RBL1: variants seen among roughly 807,000 people sequenced by gnomAD.
RBL1 encodes RB transcriptional corepressor like 1, also known as retinoblastoma-like protein 1.
In RBL1, 82 loss-of-function variants were observed where a neutral mutation model predicts 123.0. The observed-to-expected ratio is 0.67, with a 90% confidence interval of 0.56 to 0.80. RBL1 has a LOEUF of 0.80. Among genes scored for constraint, RBL1 ranks in the 30% least tolerant of loss-of-function variants. RBL1 has a pLI of 0.00. For missense variants in RBL1, 1,171 were observed against 1,299.6 expected, an observed-to-expected ratio of 0.90 and a Z score of 1.52; for synonymous variants, 405 against 441.3, an observed-to-expected ratio of 0.92 and a Z score of 1.03.
At position 37,035,103 on chromosome 20, in the gene RBL1, A is replaced by T. The variant is rs190344658; in HGVS notation, c.2170+139T>A. 2.8e-4 allele frequency: 240 copies of T among 862,190 alleles called. 1 individual carries two copies. The African/African-American group carries it at 3.7e-3, about 13-fold the overall frequency. 53.4% of individuals were successfully genotyped at this position (862,190 alleles called of 1,614,324 possible). On this transcript the variant is annotated intron_variant, in intron 15 of 21. Transcript: ENST00000373664. ...TGTGAATCTACAACTGCTCTAAAAA[A>T]TTCAAATCTATTTAAAAAAAAAAAG... is the stretch of plus-strand genomic sequence containing the variant.
At chr20:37,020,638 A>G in intron 18 of RBL1, 21 bp downstream of exon 18, 1 of 1,497,356 alleles carries the variant, frequency 6.7e-7, no homozygotes, top group South Asian at 1.2e-5. Flanking sequence ...TTTGGACAGT[A>G]GGAAAAATAA....
At chr20:37,037,874 A>G (rs2064646430) in intron 14 of RBL1, among the ~76,000 whole-genome samples, 2 of 151,590 alleles carry the variant, frequency 1.3e-5, no homozygotes, top group South Asian at 4.2e-4. Context: ...TTTACTAGGG[A>G]CCAGTTTTCA....
At position 37,035,377 on chromosome 20, in the gene RBL1, T is replaced by C. The variant is rs1428202329; in HGVS notation, c.2035A>G (p.Thr679Ala). The change falls in exon 15 of 22, where the codon ACA becomes GCA. Residue 679 changes from threonine to alanine, a missense_variant. By Grantham distance (58) the Thr-to-Ala change is moderately conservative. Transcript: ENST00000373664. ...MLMDKIITEG[T>A]KLKIAPSSSI... ...GAAGAAGGAGCGATTTTCAATTTTG[T>C]TCCTTCTGTTATGATCTTGTCCATA... 6.2e-7 allele frequency: 1 copy of C among 1,614,084 alleles called. No homozygotes were observed. Among genetic ancestry groups the C allele is most frequent in the Non-Finnish European group, 8.5e-7 (1 of 1,180,040 alleles).
intron 2 of RBL1, among the ~76,000 whole-genome samples, chr20:37,076,552 C>T (rs2065366919): frequency 6.6e-6 from 1 of 152,154 alleles, no homozygotes. Flanking sequence ...GAGTGGATAG[C>T]ACAAGATTTC....
chr20:37,066,942 C>A (rs1237559826), intron 5 of RBL1, 51 bp downstream of exon 5: 4 of 1,594,518 alleles, frequency 2.5e-6, no homozygotes, highest in South Asian at 1.1e-5. Flanking sequence ...TTTTAAAAAT[C>A]TTTTTCCAAA....
At chr20:37,073,997 G>C (rs1407513799) in intron 2 of RBL1, among the ~76,000 whole-genome samples, 2 of 152,104 alleles carry the variant, frequency 1.3e-5, no homozygotes, top group South Asian at 4.1e-4. Flanking sequence ...TGTAGTCCCA[G>C]CTACATGGGA....
chr20:37,078,539 G>A (rs1159528166), intron 2 of RBL1, among the ~76,000 whole-genome samples: 1 of 152,152 alleles, frequency 6.6e-6, no homozygotes, highest in African/African-American at 2.4e-5. Flanking sequence ...CCACCATTTT[G>A]TTGAGCACTC....
chr20:37,051,781 A>G (rs1320071502), intron 11 of RBL1, among the ~76,000 whole-genome samples: 1 of 152,060 alleles, frequency 6.6e-6, no homozygotes, highest in African/African-American at 2.4e-5. Flanking sequence ...TAACATAACA[A>G]TTACTAATTT....
intron 2 of RBL1, among the ~76,000 whole-genome samples, chr20:37,085,721 T>C (rs2065533505): frequency 7.1e-6 from 1 of 140,856 alleles, no homozygotes; most frequent in South Asian, 2.4e-4. Flanking sequence ...TGGCGCAATC[T>C]CGGCTCGCTA....
intron 2 of RBL1, among the ~76,000 whole-genome samples, chr20:37,073,877 C>A (rs530342791): frequency 5.3e-5 from 8 of 151,146 alleles, no homozygotes; most frequent in African/African-American, 1.7e-4. Context: ...AAGGCCGAAG[C>A]GGGTGGATCA....
chr20:37,095,426 G>A (rs1374444158), intron 1 of RBL1, among the ~76,000 whole-genome samples: 1 of 152,138 alleles, frequency 6.6e-6, no homozygotes, highest in African/African-American at 2.4e-5. Flanking sequence ...GTGATGTCTT[G>A]GCATGCAGTT....
intron 12 of RBL1, among the ~76,000 whole-genome samples, chr20:37,045,042 T>A (rs189171942): frequency 6.6e-6 from 1 of 151,904 alleles, no homozygotes; most frequent in African/African-American, 2.4e-5. Flanking sequence ...TGATTGTTAA[T>A]AGATTATGAT....
intron 19 of RBL1, among the ~76,000 whole-genome samples, chr20:37,010,813 T>G (rs1020274311): frequency 6.6e-6 from 1 of 152,126 alleles, no homozygotes; most frequent in Non-Finnish European, 1.5e-5. Context: ...CATATACATA[T>G]AATTATCTTT....
chr20:37,032,814 A>C lies in RBL1; in HGVS notation c.2233T>G (p.Ser745Ala). The C allele has an allele frequency of 6.2e-7, 1 of 1,613,718 alleles. No individual in the cohort carries two copies. The highest frequency in any genetic ancestry group is 8.5e-7 in the Non-Finnish European group (1 of 1,179,946). Residue 745 changes from serine to alanine, a missense_variant, in exon 16 of 22, where the codon TCC becomes GCC. Ser to Ala is a moderately conservative substitution (Grantham distance 99). Coordinates refer to ENST00000373664, the MANE Select transcript of RBL1 (RefSeq NM_002895.5). ...AGTGATACAGGACTCTTGACTTTGG[A>C]CTCCTGATTTGTATTCATGGAAAGA... ...IPLSMNTNQE[S>A]KVKSPVSLTA... is the part of the protein sequence containing the mutation.
intron 11 of RBL1, among the ~76,000 whole-genome samples, chr20:37,051,324 G>C (rs1358435367): frequency 1.3e-5 from 2 of 152,086 alleles, no homozygotes; most frequent in African/African-American, 4.8e-5. Context: ...GGGATTATAG[G>C]CATGTGCCAC....
At chr20:37,045,071 C>CATAT (rs1555857328) in intron 12 of RBL1, among the ~76,000 whole-genome samples, 2 of 142,610 alleles carry the variant, frequency 1.4e-5, no homozygotes, top group Admixed American at 7.1e-5. Context: ...TTAATATTCA[C>CATAT]ATTTATTTAC....
At chr20:37,049,446 T>C (rs1440269388) in intron 11 of RBL1, 12 of 752,906 alleles carry the variant, frequency 1.6e-5, no homozygotes, top group Non-Finnish European at 2.9e-5. Flanking sequence ...CTACTCTTCA[T>C]CTTGTGTTGA....
chr20:37,046,367 T>C (rs987086011), intron 12 of RBL1, among the ~76,000 whole-genome samples: 2 of 152,100 alleles, frequency 1.3e-5, no homozygotes, highest in Non-Finnish European at 2.9e-5. Flanking sequence ...GCTGTAAGAT[T>C]GACTTAATTT....
chr20:37,037,191 C>T (rs1349274210), intron 14 of RBL1, among the ~76,000 whole-genome samples: 1 of 152,176 alleles, frequency 6.6e-6, no homozygotes, highest in Non-Finnish European at 1.5e-5. Flanking sequence ...TTGAATCTGA[C>T]TAGGCATGTT....
Sources: gnomAD v4.1 joint callset for allele counts (sites outside exome capture counted in the v4.1 genomes callset) on GRCh38, gnomAD v4.1.1 for gene constraint, MANE v1.5 for transcripts, NCBI Gene and HGNC (gene_info 2026-07-23, HGNC 2026-07-21) for gene names.